SEMA3C: variants seen among roughly 807,000 people sequenced by gnomAD.
SEMA3C encodes semaphorin-3C.
Under a neutral mutation model 89.4 loss-of-function variants are expected in SEMA3C, and 47 were observed. The ratio of observed to expected loss-of-function variants is 0.53; its 90% CI spans 0.42 to 0.67. The LOEUF is 0.67. Ranked by LOEUF, SEMA3C falls within the 30% of genes least tolerant of loss-of-function variation. The pLI is 0.00. For missense variants in SEMA3C, 839 were observed against 929.1 expected (o/e 0.90, Z 1.26); for synonymous variants, 310 against 320.2 (o/e 0.97, Z 0.34).
At chr7:80,840,516 A>AG (rs1432992352) in intron 2 of SEMA3C, among the ~76,000 whole-genome samples, 1 of 111,864 alleles carries the variant, frequency 8.9e-6, no homozygotes, top group African/African-American at 3.5e-5. Flanking sequence ...ACCTGTCTCC[A>AG]GGAAAAAAAA....
chr7:80,831,983 G>A (rs1790018259), intron 2 of SEMA3C, among the ~76,000 whole-genome samples: 1 of 152,096 alleles, frequency 6.6e-6, no homozygotes, highest in Non-Finnish European at 1.5e-5. Flanking sequence ...CCACAAGAAT[G>A]TAGAATTAGA....
intron 2 of SEMA3C, among the ~76,000 whole-genome samples, chr7:80,848,801 T>C (rs1583938216): frequency 6.6e-6 from 1 of 152,230 alleles, no homozygotes; most frequent in African/African-American, 2.4e-5. Flanking sequence ...ATGCAAACTA[T>C]GTATTTTATA....
intron 12 of SEMA3C, among the ~76,000 whole-genome samples, chr7:80,776,274 C>CA (rs796559281): frequency 0.01 from 1,197 of 116,910 alleles, 9 homozygotes; most frequent in African/African-American, 0.026. Context: ...AAGTAAATTA[C>CA]AAAAAAAAAA....
chr7:80,751,516 A>G (rs3215357), intron 15 of SEMA3C, among the ~76,000 whole-genome samples, 180 bp from the exon 16 acceptor site: 61,809 of 125,988 alleles, frequency 0.49, 12,880 homozygotes, highest in South Asian at 0.55. Flanking sequence ...ATCAATAATG[A>G]GGGGGGGTAC....
At chr7:80,769,794 A>G (rs1307173155) in intron 12 of SEMA3C, among the ~76,000 whole-genome samples, 1 of 138,586 alleles carries the variant, frequency 7.2e-6, no homozygotes, top group Non-Finnish European at 1.5e-5. Flanking sequence ...GGGAGGCGGA[A>G]GTTGCAATAA....
chr7:80,864,959 C>T (rs544413344), intron 2 of SEMA3C, among the ~76,000 whole-genome samples: 2 of 152,236 alleles, frequency 1.3e-5, no homozygotes, highest in African/African-American at 2.4e-5. Flanking sequence ...TTCCAGCTCT[C>T]CTCACATCTT....
chr7:80,746,774 T>G (rs1235531687), intron 17 of SEMA3C, among the ~76,000 whole-genome samples: 1 of 129,660 alleles, frequency 7.7e-6, no homozygotes, highest in Non-Finnish European at 1.7e-5. Flanking sequence ...TAGAACATAT[T>G]TGGAGAAATA....
chr7:80,841,884 T>A (rs771459594), intron 2 of SEMA3C, among the ~76,000 whole-genome samples: 25 of 152,174 alleles, frequency 1.6e-4, no homozygotes, highest in Non-Finnish European at 2.4e-4. Context: ...TCAATGTGAC[T>A]CATTGTTTAG....
At chr7:80,904,213 G>A (rs1306314425) in intron 2 of SEMA3C, among the ~76,000 whole-genome samples, 2 of 151,992 alleles carry the variant, frequency 1.3e-5, no homozygotes, top group Non-Finnish European at 2.9e-5. Context: ...GCTAATTTTT[G>A]TAATTTTAGT....
At position 80,828,034 on chromosome 7, in the gene SEMA3C, T is replaced by C. The variant is rs540055167; in HGVS notation, c.265-547A>G. ...CTTGGGTCCAGTTTGGCAATAATCATTAATTTTTTTTAGTTGTCAGTCCAT... is the reference window on the plus strand; with the variant it reads ...CTTGGGTCCAGTTTGGCAATAATCACTAATTTTTTTTAGTTGTCAGTCCAT... On this transcript the variant is annotated intron_variant, in intron 3 of 17. Transcript: ENST00000265361. Among the ~76,000 whole-genome samples, 15 of 152,276 alleles carry C rather than the reference T, an allele frequency of 9.9e-5. No homozygotes were observed. The South Asian group carries it at 2.5e-3, about 25-fold the overall frequency.
intron 5 of SEMA3C, among the ~76,000 whole-genome samples, chr7:80,814,158 C>T (rs1418070005): frequency 6.7e-6 from 1 of 150,044 alleles, no homozygotes; most frequent in Non-Finnish European, 1.5e-5. Context: ...GCCACGATCT[C>T]AGCTCACTGG....
intron 2 of SEMA3C, among the ~76,000 whole-genome samples, chr7:80,865,764 A>C (rs1407412331): frequency 1.3e-5 from 2 of 152,226 alleles, no homozygotes; most frequent in African/African-American, 4.8e-5. Context: ...ATTGCACTCC[A>C]GTCTAGACAA....
chr7:80,747,505 G>A (rs560416684), intron 17 of SEMA3C, among the ~76,000 whole-genome samples: 12 of 152,050 alleles, frequency 7.9e-5, no homozygotes, highest in African/African-American at 2.2e-4. Context: ...GATTGTTCAC[G>A]TCCTTGTGTT....
intron 2 of SEMA3C, among the ~76,000 whole-genome samples, chr7:80,916,320 C>T (rs1448104493): frequency 6.6e-6 from 1 of 152,110 alleles, no homozygotes; most frequent in African/African-American, 2.4e-5. Flanking sequence ...CTCTCTGCTG[C>T]TGAGGATTAG....
At chr7:80,867,593 C>T (rs575706115) in intron 2 of SEMA3C, among the ~76,000 whole-genome samples, 1 of 152,266 alleles carries the variant, frequency 6.6e-6, no homozygotes, top group South Asian at 2.1e-4. Context: ...ATTTTGGAAA[C>T]TGCTAGTACA....
At chr7:80,909,709 A>G (rs369251630) in intron 2 of SEMA3C, among the ~76,000 whole-genome samples, 103 of 152,308 alleles carry the variant, frequency 6.8e-4, no homozygotes, top group African/African-American at 2.2e-3. Context: ...CCTGATGTAC[A>G]TAGCACATCA....
At chr7:80,775,071 C>A (rs901857103) in intron 12 of SEMA3C, among the ~76,000 whole-genome samples, 1 of 151,918 alleles carries the variant, frequency 6.6e-6, no homozygotes, top group African/African-American at 2.4e-5. Context: ...TTTTTAAATG[C>A]TGAAAGAAAA....
intron 12 of SEMA3C, among the ~76,000 whole-genome samples, chr7:80,788,211 C>T (rs866997052): frequency 1.3e-5 from 2 of 152,152 alleles, no homozygotes; most frequent in Non-Finnish European, 2.9e-5. Context: ...CTTTTACAGA[C>T]GTGTTGTCTC....
In SEMA3C at chr7:80,804,248, TC is replaced by T; in HGVS notation, c.659-1del. The T allele has an allele frequency of 6.3e-7, 1 of 1,579,550 alleles. No individual in the cohort carries two copies. Among genetic ancestry groups the T allele is most frequent in the Non-Finnish European group, 8.6e-7 (1 of 1,163,968 alleles). On this transcript the variant is annotated splice_acceptor_variant, in intron 7 of 17. Coordinates refer to ENST00000265361, the MANE Select transcript of SEMA3C (RefSeq NM_006379.5). LOFTEE classifies it high-confidence loss of function. ...GACATGTGCATCTACAAACATAGGT[TC>T]TAGAAAAAAAGGTAAAAGACTAGGT...
Sources: allele counts gnomAD v4.1 joint callset (sites outside exome capture counted in the v4.1 genomes callset), GRCh38; gene constraint gnomAD v4.1.1; transcripts MANE v1.5; gene names NCBI Gene and HGNC (gene_info 2026-07-23, HGNC 2026-07-21).